GRSF1: variants seen among roughly 807,000 people sequenced by gnomAD.
GRSF1 encodes the protein G-rich sequence factor 1.
Under a neutral mutation model 51.1 loss-of-function variants are expected in GRSF1, and 50 were observed. The observed-to-expected ratio is 0.98, with a 90% CI of 0.78 to 1.24. GRSF1 has a LOEUF of 1.24. GRSF1 is among the 50% of genes most tolerant of loss of function. The pLI, the probability that GRSF1 is intolerant of heterozygous loss-of-function variation, is 0.00. For missense variants in GRSF1, 700 were observed against 639.7 expected, an observed-to-expected ratio of 1.09 and a Z score of -1.02; for synonymous variants, 293 against 253.3, an observed-to-expected ratio of 1.16 and a Z score of -1.49.
rs538926236 is a variant in GRSF1 at position 70,825,042 on chromosome 4, C to A, written c.1393+254G>T. On this transcript the variant is annotated intron_variant, in intron 8 of 9. Coordinates refer to ENST00000254799, the MANE Select transcript of GRSF1 (RefSeq NM_002092.4). ...GCTTGAACACAGGAGGCTGAGACTG[C>A]GGTGAGCCGAGATGGCACCGCTGCA... 2.0e-5 allele frequency among the ~76,000 whole-genome samples: 3 copies of A among 151,712 alleles called. No individual in the cohort carries two copies. The East Asian group carries it at 5.8e-4, about 29-fold the overall frequency.
At position 70,839,871 on chromosome 4, in the gene GRSF1, A is replaced by C; in HGVS notation, c.-44T>G. The C allele has an allele frequency of 7.0e-7, 1 of 1,429,220 alleles. No homozygotes were observed. Among genetic ancestry groups the C allele is most frequent in the Non-Finnish European group, 9.1e-7 (1 of 1,099,840 alleles). The allele number at this position is 1,429,220 out of a possible 1,614,324, so 88.5% of individuals were successfully genotyped here. ...AGGGCCTGAAGGCAGCTGCTCCAGC[A>C]GCGATGGTGGAACGGAAGTGGAATC... On this transcript the variant is annotated 5_prime_UTR_variant, in exon 1 of 10. Transcript: ENST00000254799.
At chr4:70,824,471 T>G in intron 8 of GRSF1, 103 bp from the exon 9 acceptor site, 3 of 651,556 alleles carry the variant, frequency 4.6e-6, no homozygotes, top group Non-Finnish European at 2.8e-6. Context: ...CCTTTGCCCT[T>G]TCCTTTCCCT....
Position 70,827,945 on chromosome 4 carries a change from T to A in GRSF1, c.1042A>T (p.Lys348Ter), listed in dbSNP as rs1560596771. 1 of 1,608,010 alleles carries A rather than the reference T, an allele frequency of 6.2e-7. No homozygotes were observed. The highest frequency in any genetic ancestry group is 1.1e-5 in the South Asian group (1 of 90,900). Reference protein sequence around the residue: ...GKKIASFPTAKYITEPEMVFE... With the variant: ...GKKIASFPTA ...ACCATTTCTGGCTCAGTTATATACT[T>A]AGCAGTAGGAAAAGATGCGATTTTC... The change falls in exon 6 of 10, where the codon AAG becomes TAG. Residue 348 changes from lysine to a stop codon, truncating the protein, a stop_gained. Transcript: ENST00000254799. LOFTEE classifies it high-confidence loss of function.
At position 70,823,049 on chromosome 4, in the gene GRSF1, A is replaced by G. The variant is rs942282659; in HGVS notation, c.*25+1245T>C. On this transcript the variant is annotated intron_variant, in intron 9 of 9. Coordinates refer to ENST00000254799, the MANE Select transcript of GRSF1 (RefSeq NM_002092.4). ...GAGGCGGAGTTTGCAGTGAGCCCAG[A>G]CTGCATCACTGCAATCTAGTCTGCT... is the stretch of plus-strand genomic sequence containing the variant. Among the ~76,000 whole-genome samples the G allele has an allele frequency of 3.3e-5, 5 of 152,128 alleles. No homozygotes were observed. In the South Asian group the frequency reaches 8.3e-4, roughly 25 times the overall value.
rs1489857856 is a variant in GRSF1 at position 70,817,648 on chromosome 4, G to A, written c.*3239C>T. On this transcript the variant is annotated 3_prime_UTR_variant, in exon 10 of 10. Coordinates refer to ENST00000254799, the MANE Select transcript of GRSF1 (RefSeq NM_002092.4). ...TACTAATGAGGGTGAGGAGCTACAG[G>A]AACTCTTATTCATTGTCAATGGGAA... 6.6e-6 allele frequency: 1 copy of A among 152,190 alleles called. No homozygotes were observed. The highest frequency in any genetic ancestry group is 1.5e-5 in the Non-Finnish European group (1 of 68,046). The allele number at this position is 152,190 out of a possible 1,614,324, so 9.4% of individuals were successfully genotyped here. A position where few individuals can be genotyped will look rare whatever the true frequency, so the allele number is the denominator to read the frequency against.
chr4:70,836,259 G>A lies in GRSF1; in HGVS notation c.413C>T (p.Ala138Val), dbSNP rs777984652. ...DLPPPPEYEL[A>V]PSKLEEEVDD... is the part of the protein sequence containing the mutation. ...CACTTCCTCTTCTAACTTGGACGGG[G>A]CCAATTCATACTCAGGGGGTGGTGG... is the stretch of plus-strand genomic sequence containing the variant. Residue 138 changes from alanine to valine, a missense_variant, in exon 2 of 10, where the codon GCC becomes GTC. By Grantham distance (64) the Ala-to-Val change is moderately conservative (BLOSUM62 0). Coordinates refer to ENST00000254799, the MANE Select transcript of GRSF1 (RefSeq NM_002092.4). 1 of 1,607,594 alleles carries A rather than the reference G, an allele frequency of 6.2e-7. No individual in the cohort carries two copies. Among genetic ancestry groups the A allele is most frequent in the Non-Finnish European group, 8.5e-7 (1 of 1,177,422 alleles).
At chr4:70,823,820 T>C (rs146880478) in intron 9 of GRSF1, among the ~76,000 whole-genome samples, 6 of 152,138 alleles carry the variant, frequency 3.9e-5, no homozygotes, top group African/African-American at 1.4e-4. Flanking sequence ...CAGTGAGCTA[T>C]GATCGCACCA....
At chr4:70,831,751 T>A in intron 4 of GRSF1, 77 bp from the exon 5 acceptor site, 1 of 1,298,846 alleles carries the variant, frequency 7.7e-7, no homozygotes. Context: ...CACATACTAA[T>A]AAAATTTTTA....
chr4:70,823,972 C>CTGTT (rs1560594040), intron 9 of GRSF1, among the ~76,000 whole-genome samples: 2 of 22,538 alleles, frequency 8.9e-5, no homozygotes, highest in Non-Finnish European at 4.4e-4. Flanking sequence ...AGTTGTATCT[C>CTGTT]TCTCTTTTTT....
intron 1 of GRSF1, among the ~76,000 whole-genome samples, chr4:70,837,518 C>G (rs1397672271): frequency 1.5e-5 from 2 of 131,866 alleles, no homozygotes; most frequent in East Asian, 2.5e-4. Flanking sequence ...GAGCTGAGAT[C>G]TCGGCATTTC....
chr4:70,839,568 G>A lies in GRSF1; in HGVS notation c.260C>T (p.Ala87Val), dbSNP rs1339305450. 1.4e-6 allele frequency: 2 copies of A among 1,418,394 alleles called. No homozygotes were observed. The highest frequency in any genetic ancestry group is 1.4e-5 in the South Asian group (1 of 69,174). The allele number at this position is 1,418,394 out of a possible 1,614,324, so 87.9% of individuals were successfully genotyped here. ...AGAGTAGGACGCGGCGGCCGCGGCC[G>A]CGGCAGAGGTGGCCACAGCGGGAGG... ...AGPPAVATSA[A>V]AAAAASYSAL... The change falls in exon 1 of 10, where the codon GCG becomes GTG. Residue 87 changes from alanine to valine, a missense_variant. By Grantham distance (64) the Ala-to-Val change is moderately conservative. Coordinates refer to ENST00000254799, the MANE Select transcript of GRSF1 (RefSeq NM_002092.4).
intron 5 of GRSF1, among the ~76,000 whole-genome samples, chr4:70,829,951 T>G (rs942601767): frequency 2.0e-5 from 3 of 152,174 alleles, no homozygotes; most frequent in Non-Finnish European, 2.9e-5. Flanking sequence ...GATTTAACAT[T>G]TGACATTTTA....
chr4:70,825,988 C>T, intron 7 of GRSF1, 136 bp downstream of exon 7: 1 of 717,004 alleles, frequency 1.4e-6, no homozygotes, highest in Non-Finnish European at 2.3e-6. Flanking sequence ...GCAAGCTTTG[C>T]AACCAGGAAG....
chr4:70,834,425 A>G (rs1403689770), intron 2 of GRSF1, among the ~76,000 whole-genome samples: 3 of 152,158 alleles, frequency 2.0e-5, no homozygotes, highest in Non-Finnish European at 2.9e-5. Context: ...CCTTAATTCC[A>G]TATTTCCACT....
intron 6 of GRSF1, 72 bp downstream of exon 6, chr4:70,827,777 CAAA>C: frequency 2.1e-5 from 18 of 870,390 alleles, no homozygotes; most frequent in Admixed American, 5.7e-5. Context: ...GACTTCATCT[CAAA>C]AAAAAAAAAA....
chr4:70,822,738 T>C lies in GRSF1; in HGVS notation c.*25+1556A>G, dbSNP rs555454316. Among the ~76,000 whole-genome samples, 87 of 152,256 alleles carry C rather than the reference T, an allele frequency of 5.7e-4. 1 individual carries two copies. The highest frequency in any genetic ancestry group is 2.0e-3 in the African/African-American group (83 of 41,548). On this transcript the variant is annotated intron_variant, in intron 9 of 9. Transcript: ENST00000254799. ...CTATTTTTTGGCAAACAGCATGATG[T>C]TGGAAATTATGCATAAAAATTCTAT...
chr4:70,832,367 C>A lies in GRSF1; in HGVS notation c.754G>T (p.Val252Phe), dbSNP rs763809650. The A allele has an allele frequency of 1.2e-6, 2 of 1,612,850 alleles. No homozygotes were observed. Among genetic ancestry groups the A allele is most frequent in the Admixed American group, 3.3e-5 (2 of 60,012 alleles). Reference protein sequence around the residue: ...KSSPVVNDGVVRLRGLPYSCN... With the variant: ...KSSPVVNDGVFRLRGLPYSCN... ...CTATAAGGAAGTCCTCTCAAACGAA[C>A]CACACCATCATTTACCACAGGCGAA... The change falls in exon 4 of 10, where the codon GTT (valine) becomes TTT (phenylalanine). Residue 252 changes from valine (V) to phenylalanine (F), a missense_variant. By Grantham distance (50) the Val-to-Phe change is conservative (BLOSUM62 -1). Transcript: ENST00000254799.
At chr4:70,828,839 G>C (rs759605140) in intron 5 of GRSF1, among the ~76,000 whole-genome samples, 18 of 150,854 alleles carry the variant, frequency 1.2e-4, no homozygotes, top group Admixed American at 2.7e-4. Context: ...CTGGGTTCAA[G>C]CAGTTCTCCT....
At chr4:70,831,914 T>G (rs1164001792) in intron 4 of GRSF1, among the ~76,000 whole-genome samples, 3 of 151,012 alleles carry the variant, frequency 2.0e-5, no homozygotes, top group Non-Finnish European at 4.4e-5. Context: ...CCACCAGTTT[T>G]TTTTTTTTTT....
Sources: allele counts gnomAD v4.1 joint callset (sites outside exome capture counted in the v4.1 genomes callset), GRCh38; gene constraint gnomAD v4.1.1; transcripts MANE v1.5; gene names NCBI Gene and HGNC (gene_info 2026-07-23, HGNC 2026-07-21).